Variants in ACSF3 observed in about 807,000 individuals in gnomAD.
ACSF3 encodes the protein acyl-CoA synthetase family member 3, also known as malonate--CoA ligase ACSF3, mitochondrial.
ACSF3 carries 78 observed loss-of-function variants against 53.2 expected under a neutral mutation model. That is an observed-to-expected ratio of 1.47 (90% confidence interval 1.22 to 1.77). ACSF3 has a LOEUF of 1.77. ACSF3 is among the 40% of genes most tolerant of loss of function. ACSF3 has a pLI of 0.00. For synonymous variants in ACSF3, 414 were observed against 333.1 expected (o/e 1.24, Z -2.65); for missense variants, 937 against 771.1 (o/e 1.22, Z -2.55).
intron 7 of ACSF3, among the ~76,000 whole-genome samples, chr16:89,129,075 T>G (rs148905084): frequency 1.4e-4 from 21 of 152,318 alleles, no homozygotes; most frequent in Non-Finnish European, 3.1e-4. Flanking sequence ...GAGGCTGCAG[T>G]GAGCTGTGAT....
intron 8 of ACSF3, among the ~76,000 whole-genome samples, chr16:89,142,544 CCT>C (rs1399196411): frequency 2.0e-5 from 3 of 151,350 alleles, no homozygotes; most frequent in Non-Finnish European, 4.4e-5. Flanking sequence ...CACACCCACA[CCT>C]GCAGACACAC....
At position 89,110,084 on chromosome 16, in the gene ACSF3, T is replaced by C. The variant is rs527300045; in HGVS notation, c.823-2008T>C. On this transcript the variant is annotated intron_variant, in intron 4 of 10. Coordinates refer to ENST00000614302, the MANE Select transcript of ACSF3 (RefSeq NM_001243279.3). ...ACTGCAGCTTGTCTTTTTATTTTCT[T>C]AATGTGTCTTTTGGAGCACACATTA... Among the ~76,000 whole-genome samples, 172 of 152,376 alleles carry C rather than the reference T, an allele frequency of 1.1e-3. 2 individuals carry two copies. The highest frequency in any genetic ancestry group is 3.7e-3 in the African/African-American group (154 of 41,590).
intron 2 of ACSF3, among the ~76,000 whole-genome samples, chr16:89,099,623 A>G (rs1357513868): frequency 1.3e-5 from 2 of 152,036 alleles, no homozygotes; most frequent in African/African-American, 4.8e-5. Context: ...CTCTACTAAC[A>G]ATACAAAAAT....
chr16:89,133,028 G>A (rs763315507), intron 7 of ACSF3, 108 bp from the exon 8 acceptor site: 29 of 1,511,242 alleles, frequency 1.9e-5, no homozygotes, highest in Middle Eastern at 4.7e-4. Context: ...GAAAGCACGC[G>A]GCCCTGGGTG....
intron 4 of ACSF3, 59 bp from the exon 5 acceptor site, chr16:89,112,033 T>G: frequency 1.2e-5 from 2 of 166,408 alleles, no homozygotes; most frequent in South Asian, 8.1e-5. Flanking sequence ...GCCAGGAGCC[T>G]CCGCCACGGG....
chr16:89,155,284 G>A lies in ACSF3; in HGVS notation c.*1077G>A, dbSNP rs1211494743. The A allele has an allele frequency of 5.1e-5, 23 of 454,004 alleles. No individual in the cohort carries two copies. The highest frequency in any genetic ancestry group is 7.1e-5 in the Non-Finnish European group (16 of 226,772). The allele number at this position is 454,004 out of a possible 1,614,324, so 28.1% of individuals were successfully genotyped here. On this transcript the variant is annotated 3_prime_UTR_variant, in exon 11 of 11. Coordinates refer to ENST00000614302, the MANE Select transcript of ACSF3 (RefSeq NM_001243279.3). ...AACTTACCCAGAACATTCTGCCCCC[G>A]GAATGCACGTCTGAAAGAGTGGCCA...
chr16:89,101,099 G>C lies in ACSF3; in HGVS notation c.418G>C (p.Asp140His), dbSNP rs371131543. ...GGCCCAGCTGGAGTATGTCATCTGC[G>C]ACTCCCAGAGCTCTGTGGTCCTTGC... ...PAAQLEYVIC[D>H]SQSSVVLASQ... The change falls in exon 3 of 11, where the codon GAC (aspartate) becomes CAC (histidine). Residue 140 changes from aspartate (D) to histidine (H), a missense_variant. Coordinates refer to ENST00000614302, the MANE Select transcript of ACSF3 (RefSeq NM_001243279.3). 6.2e-7 allele frequency: 1 copy of C among 1,613,940 alleles called. No individual in the cohort carries two copies. Among genetic ancestry groups the C allele is most frequent in the Non-Finnish European group, 8.5e-7 (1 of 1,180,034 alleles).
At chr16:89,139,408 C>T (rs951796902) in intron 8 of ACSF3, among the ~76,000 whole-genome samples, 1 of 152,062 alleles carries the variant, frequency 6.6e-6, no homozygotes, top group Non-Finnish European at 1.5e-5. Flanking sequence ...GTGTAGGGTC[C>T]GTACTTGGAG....
In ACSF3 at chr16:89,154,483, C is replaced by T. The variant is rs1260121494; in HGVS notation, c.*276C>T. On this transcript the variant is annotated 3_prime_UTR_variant, in exon 11 of 11. Transcript: ENST00000614302. ...GCGGTGCAGCCAGCCCCTGGCCCCA[C>T]GTGCTGAGGCACCTCCCGCCCCACA... 4 of 594,586 alleles carry T rather than the reference C, an allele frequency of 6.7e-6. No individual in the cohort carries two copies. The highest frequency in any genetic ancestry group is 2.1e-5 in the Admixed American group (1 of 46,592). The allele number at this position is 594,586 out of a possible 1,614,324, so 36.8% of individuals were successfully genotyped here.
chr16:89,119,310 A>C (rs1307391204), intron 6 of ACSF3, among the ~76,000 whole-genome samples: 1 of 152,016 alleles, frequency 6.6e-6, no homozygotes, highest in East Asian at 1.9e-4. Context: ...CAGTAGAGGC[A>C]TCACCAGGAA....
intron 6 of ACSF3, among the ~76,000 whole-genome samples, chr16:89,115,584 C>T (rs993537913): frequency 1.3e-5 from 2 of 152,248 alleles, no homozygotes; most frequent in Admixed American, 1.3e-4. Flanking sequence ...ATGTTATCAA[C>T]ATTTGTGTGC....
rs1029793812 is a variant in ACSF3 at position 89,136,575 on chromosome 16, A to G, written c.1366+3313A>G. On this transcript the variant is annotated intron_variant, in intron 8 of 10. Coordinates refer to ENST00000614302, the MANE Select transcript of ACSF3 (RefSeq NM_001243279.3). ...CCCCTCCTGCCACACGGATTCTGGC[A>G]TAAGCCGGCGGGCACAGGGGACAGC... 40 of 1,280,150 alleles carry G rather than the reference A, an allele frequency of 3.1e-5. No homozygotes were observed. The East Asian group carries it at 1.7e-3, about 56-fold the overall frequency. The allele number at this position is 1,280,150 out of a possible 1,614,324, so 79.3% of individuals were successfully genotyped here. A position where few individuals can be genotyped will look rare whatever the true frequency, so the allele number is the denominator to read the frequency against.
At chr16:89,136,393 G>A (rs1910472336) in intron 8 of ACSF3, among the ~76,000 whole-genome samples, 1 of 152,252 alleles carries the variant, frequency 6.6e-6, no homozygotes, top group South Asian at 2.1e-4. Flanking sequence ...GGCTCTCGGG[G>A]GTAAGGCCTG....
intron 8 of ACSF3, among the ~76,000 whole-genome samples, chr16:89,136,333 A>T (rs1910457795): frequency 6.6e-6 from 1 of 152,114 alleles, no homozygotes; most frequent in African/African-American, 2.4e-5. Flanking sequence ...AATTCAGTTT[A>T]ATTTCATTGT....
intron 4 of ACSF3, among the ~76,000 whole-genome samples, chr16:89,111,605 A>G (rs1452685846): frequency 6.6e-6 from 1 of 152,276 alleles, no homozygotes; most frequent in Non-Finnish European, 1.5e-5. Flanking sequence ...CGAGTGAGGA[A>G]CTTAAAACGT....
At chr16:89,119,940 C>T (rs564457243) in intron 6 of ACSF3, among the ~76,000 whole-genome samples, 1 of 152,364 alleles carries the variant, frequency 6.6e-6, no homozygotes, top group South Asian at 2.1e-4. Context: ...TCAGGCACTC[C>T]CCTGACGCAG....
intron 7 of ACSF3, among the ~76,000 whole-genome samples, chr16:89,128,880 A>C (rs1357727766): frequency 6.6e-6 from 1 of 152,090 alleles, no homozygotes; most frequent in Non-Finnish European, 1.5e-5. Flanking sequence ...TGTAATCCCA[A>C]CACTTTGGGA....
intron 8 of ACSF3, chr16:89,136,456 G>A (rs1166764788): frequency 8.6e-7 from 1 of 1,160,872 alleles, no homozygotes; most frequent in Non-Finnish European, 1.1e-6. Flanking sequence ...CATAATGAGA[G>A]CCTGCAATCA....
intron 5 of ACSF3, 37 bp from the exon 6 acceptor site, chr16:89,114,302 C>G (rs1334169331): frequency 1.9e-6 from 3 of 1,612,714 alleles, no homozygotes; most frequent in Admixed American, 1.7e-5. Context: ...GAGCCACGTC[C>G]CAAGGGGCTA....
Sources: gnomAD v4.1 joint callset for allele counts (sites outside exome capture counted in the v4.1 genomes callset) on GRCh38, gnomAD v4.1.1 for gene constraint, MANE v1.5 for transcripts, NCBI Gene and HGNC (gene_info 2026-07-23, HGNC 2026-07-21) for gene names.